APBB1: variants seen among roughly 807,000 people sequenced by gnomAD.
The protein encoded by APBB1 is adaptor protein FE65a2.
APBB1 carries 22 observed loss-of-function variants against 78.4 expected under a neutral mutation model. The observed-to-expected ratio is 0.28, with a 90% CI of 0.20 to 0.40. The LOEUF is 0.40. Ranked by LOEUF, APBB1 falls within the 10% of genes least tolerant of loss-of-function variation. The pLI is 1.00. For synonymous variants in APBB1, 369 were observed against 372.7 expected, an observed-to-expected ratio of 0.99 and a Z score of 0.12; for missense variants, 749 against 932.4, an observed-to-expected ratio of 0.80 and a Z score of 2.56.
In APBB1 at chr11:6,402,168, C is replaced by T; in HGVS notation, c.1296G>A (p.Lys432=). The part of the protein sequence containing the change: ...LLLQLEDETL[K]LVEPQSQALL... Reference sequence around the variant, plus strand: ...GTGCCTGGCTCTGTGGCTCCACTAGCTTTAGTGTCTCATCCTCCAGCTGCA... The same window carrying T: ...GTGCCTGGCTCTGTGGCTCCACTAGTTTTAGTGTCTCATCCTCCAGCTGCA... Residue 432 remains lysine (K), a synonymous_variant, in exon 8 of 15, where the codon AAG becomes AAA. Transcript: ENST00000609360. The T allele has an allele frequency of 2.5e-6, 4 of 1,614,092 alleles. No homozygotes were observed. Among genetic ancestry groups the T allele is most frequent in the Non-Finnish European group, 3.4e-6 (4 of 1,180,018 alleles).
chr11:6,412,095 G>A (rs969430553), intron 1 of APBB1, among the ~76,000 whole-genome samples: 1 of 152,182 alleles, frequency 6.6e-6, no homozygotes, highest in Non-Finnish European at 1.5e-5. Context: ...GATCACTATG[G>A]GAGCCTTTCC....
At position 6,403,666 on chromosome 11, in the gene APBB1, C is replaced by G. The variant is rs1298584155; in HGVS notation, c.878G>C (p.Ser293Thr). The change falls in exon 3 of 15, where the codon AGC becomes ACC. Residue 293 changes from serine to threonine, a missense_variant. Transcript: ENST00000609360. The surrounding 1 kb of genome is among the most constrained non-coding windows in gnomAD (Gnocchi z 5.3). ...CCTCACCTGGGACTCCTCTTGGGGG[C>G]TGCTCCCCTGTGAGGGGGAGGCCCG... Reference protein sequence around the residue: ...PGRASPSQGSSPQEESQLTWT... With the variant: ...PGRASPSQGSTPQEESQLTWT... The G allele has an allele frequency of 1.9e-6, 3 of 1,608,128 alleles. No homozygotes were observed.
upstream of APBB1, chr11:6,419,252 C>T (rs557293328): frequency 1.5e-3 from 434 of 290,264 alleles, 4 homozygotes; most frequent in African/African-American, 7.9e-3. Context: ...GTGAGCCCCG[C>T]GGTCCAGCCC....
chr11:6,411,173 C>T lies in APBB1; in HGVS notation c.175G>A (p.Gly59Arg). 6.2e-7 allele frequency: 1 copy of T among 1,608,312 alleles called. No individual in the cohort carries two copies. Residue 59 changes from glycine to arginine, a missense_variant, in exon 2 of 15, where the codon GGG (glycine) becomes AGG (arginine). Transcript: ENST00000609360. This position sits in a 1 kb window ranked among gnomAD's most constrained non-coding sequence, Gnocchi z 5.2. ...GCATTGGCAGGGCCTGGCTCAGGCC[C>T]ACCACCCTCCCCCATGGCGCTGCGC... ...DLRSAMGEGG[G>R]PEPGPANAKW...
intron 2 of APBB1, among the ~76,000 whole-genome samples, chr11:6,407,848 C>T (rs1416395528): frequency 6.6e-6 from 1 of 150,628 alleles, no homozygotes; most frequent in Non-Finnish European, 1.5e-5. Context: ...GGCGCAATCT[C>T]GGCTCACTGC....
chr11:6,418,713 T>A (rs985939185), intron 1 of APBB1, among the ~76,000 whole-genome samples: 21 of 115,216 alleles, frequency 1.8e-4, no homozygotes, highest in Admixed American at 3.2e-4. Flanking sequence ...CCACTGCCCC[T>A]CGCTTCGCGT....
At position 6,403,418 on chromosome 11, in the gene APBB1, T is replaced by C. The variant is rs971560080; in HGVS notation, c.955-14A>G. The C allele has an allele frequency of 1.5e-5, 25 of 1,613,974 alleles. No individual in the cohort carries two copies. Among genetic ancestry groups the C allele is most frequent in the African/African-American group, 9.3e-5 (7 of 74,904 alleles). On this transcript the variant is annotated splice_polypyrimidine_tract_variant and intron_variant, in intron 4 of 14. Coordinates refer to ENST00000609360, the MANE Select transcript of APBB1 (RefSeq NM_001164.5). The surrounding 1 kb of genome is among the most constrained non-coding windows in gnomAD (Gnocchi z 5.3). ...ACTGGGTTCATCCTTGGGAAGGGGATTGAGGAATCAGTATCAAAATGATGC... is the reference window on the plus strand; with the variant it reads ...ACTGGGTTCATCCTTGGGAAGGGGACTGAGGAATCAGTATCAAAATGATGC...
chr11:6,398,265 G>C (rs1848331288), intron 12 of APBB1, among the ~76,000 whole-genome samples: 1 of 151,824 alleles, frequency 6.6e-6, no homozygotes, highest in South Asian at 2.1e-4. Context: ...ATACTCCATG[G>C]TTTACTCATT....
intron 1 of APBB1, among the ~76,000 whole-genome samples, chr11:6,417,861 G>A (rs1210632140): frequency 6.6e-6 from 1 of 152,208 alleles, no homozygotes; most frequent in Non-Finnish European, 1.5e-5. Context: ...TGGAAGTGGG[G>A]TACAGAGAAA....
intron 2 of APBB1, chr11:6,404,668 C>A (rs779363241): frequency 1.3e-6 from 2 of 1,536,274 alleles, no homozygotes; most frequent in African/African-American, 2.7e-5. Flanking sequence ...ACCCTGTAAC[C>A]CGCTCATGCG....
chr11:6,402,480 C>T (rs2134067983), intron 7 of APBB1, 96 bp downstream of exon 7: 1 of 1,383,376 alleles, frequency 7.2e-7, no homozygotes, highest in Non-Finnish European at 1.0e-6. Context: ...TATCCCCCTT[C>T]CCCAGCCTGC....
chr11:6,411,159 G>C lies in APBB1; in HGVS notation c.189C>G (p.Gly63=), dbSNP rs746622149. The C allele has an allele frequency of 3.1e-5, 50 of 1,609,012 alleles. No individual in the cohort carries two copies. The South Asian group carries it at 5.5e-4, about 18-fold the overall frequency. Reference sequence around the variant, plus strand: ...CTTTTAGCCACTTGGCATTGGCAGGGCCTGGCTCAGGCCCACCACCCTCCC... The same window carrying C: ...CTTTTAGCCACTTGGCATTGGCAGGCCCTGGCTCAGGCCCACCACCCTCCC... ...AMGEGGGPEP[G]PANAKWLKEG... Residue 63 remains glycine, a synonymous_variant, in exon 2 of 15, where the codon GGC becomes GGG. Coordinates refer to ENST00000609360, the MANE Select transcript of APBB1 (RefSeq NM_001164.5). This position sits in a 1 kb window ranked among gnomAD's most constrained non-coding sequence, Gnocchi z 5.2.
chr11:6,407,938 C>A (rs932685696), intron 2 of APBB1, among the ~76,000 whole-genome samples: 1 of 151,854 alleles, frequency 6.6e-6, no homozygotes, highest in Non-Finnish European at 1.5e-5. Context: ...CGCCACCGCG[C>A]CCGGCTAATT....
At position 6,403,094 on chromosome 11, in the gene APBB1, T is replaced by C; in HGVS notation, c.1104+51A>G. ...TCAGAGCACAACATTAGGGGCTGTC[T>C]GACAAATAAGAGGGCCCCAGACTCA... On this transcript the variant is annotated intron_variant, in intron 6 of 14. Coordinates refer to ENST00000609360, the MANE Select transcript of APBB1 (RefSeq NM_001164.5). The surrounding 1 kb of genome is among the most constrained non-coding windows in gnomAD (Gnocchi z 5.3). 6.5e-7 allele frequency: 1 copy of C among 1,540,768 alleles called. No individual in the cohort carries two copies. Among genetic ancestry groups the C allele is most frequent in the Non-Finnish European group, 8.8e-7 (1 of 1,136,610 alleles).
rs1318610308 is a variant in APBB1 at position 6,395,661 on chromosome 11, G to A, written c.2006C>T (p.Ser669Phe). The A allele has an allele frequency of 3.1e-6, 5 of 1,592,454 alleles. No homozygotes were observed. The South Asian group carries it at 4.6e-5, about 15-fold the overall frequency. The change falls in exon 15 of 15, where the codon TCC becomes TTC. Residue 669 changes from serine (S) to phenylalanine (F), a missense_variant. Physicochemically the swap from Ser to Phe is radical, Grantham distance 155. Transcript: ENST00000609360. This position sits in a 1 kb window ranked among gnomAD's most constrained non-coding sequence, Gnocchi z 5.2. ...AGGGGGTGCTGGGAGGCAGGAGGTG[G>A]AGGCCTGGGAACGGGCATCCAGACA... ...QKCLDARSQA[S>F]TSCLPAPPAE... is the part of the protein sequence containing the mutation.
intron 7 of APBB1, 157 bp from the exon 8 acceptor site, chr11:6,402,366 G>T: frequency 1.7e-6 from 2 of 1,180,962 alleles, no homozygotes; most frequent in Non-Finnish European, 2.4e-6. Flanking sequence ...GAGGTCACGT[G>T]TCATCTCTCA....
intron 2 of APBB1, chr11:6,404,949 C>T: frequency 6.9e-7 from 1 of 1,440,806 alleles, no homozygotes; most frequent in Non-Finnish European, 9.1e-7. Flanking sequence ...GCAAGATCCT[C>T]CCCCGCTTGG....
chr11:6,410,161 G>A (rs765874692), intron 2 of APBB1, among the ~76,000 whole-genome samples: 1 of 151,792 alleles, frequency 6.6e-6, no homozygotes, highest in East Asian at 1.9e-4. Context: ...AGCATAACAC[G>A]GGGCCAAGAG....
At chr11:6,404,650 C>T (rs1848709333) in intron 2 of APBB1, 2 of 1,536,330 alleles carry the variant, frequency 1.3e-6, no homozygotes, top group African/African-American at 1.4e-5. Flanking sequence ...CAGAGCCACA[C>T]CACTCCAACC....
Sources: gnomAD v4.1 joint callset for allele counts (sites outside exome capture counted in the v4.1 genomes callset) on GRCh38, gnomAD v4.1.1 for gene constraint, Gnocchi (gnomAD v3.1) non-coding constraint, MANE v1.5 for transcripts, NCBI Gene and HGNC (gene_info 2026-07-23, HGNC 2026-07-21) for gene names.